The following MZF1 variants were observed in gnomAD, a reference collection of about 807,000 sequenced individuals.
MZF1 encodes the protein myeloid zinc finger 1.
Under a neutral mutation model 28.6 loss-of-function variants are expected in MZF1, and 24 were observed. The ratio of observed to expected loss-of-function variants is 0.84; its 90% CI spans 0.61 to 1.18. MZF1 has a LOEUF of 1.18. Among genes scored for constraint, MZF1 ranks in the 50% most tolerant of loss-of-function variants. The pLI is 0.00. For synonymous variants in MZF1, 516 were observed against 432.5 expected (o/e 1.19, Z -2.40); for missense variants, 1,166 against 1,026.4 (o/e 1.14, Z -1.86).
chr19:58,569,759 A>C (rs2054123089), intron 3 of MZF1, 173 bp from the exon 4 acceptor site: 1 of 588,278 alleles, frequency 1.7e-6, no homozygotes, highest in Non-Finnish European at 3.0e-6. Flanking sequence ...GGTGAAGCAG[A>C]GTACCCTGGA....
rs537448494 is a variant in MZF1 at position 58,562,742 on chromosome 19, G to A, written c.1535C>T (p.Ser512Phe). 11 of 1,536,328 alleles carry A rather than the reference G, an allele frequency of 7.2e-6. No homozygotes were observed. The highest frequency in any genetic ancestry group is 5.9e-5 in the South Asian group (5 of 84,402). ...CTCGCCGCACTCGACGCAGCCAAAG[G>A]ACTTGTCGCCCGTGTGTACCGCCTG... ...EHQAVHTGDK[S>F]FGCVECGERF... Residue 512 changes from serine (S) to phenylalanine (F), a missense_variant, in exon 6 of 6, where the codon TCC becomes TTC. Physicochemically the swap from Ser to Phe is radical, Grantham distance 155 (BLOSUM62 -2). Coordinates refer to ENST00000215057, the MANE Select transcript of MZF1 (RefSeq NM_198055.2).
chr19:58,570,462 G>C lies in MZF1; in HGVS notation c.462C>G (p.Pro154=). The C allele has an allele frequency of 6.2e-7, 1 of 1,613,930 alleles. No homozygotes were observed. Among genetic ancestry groups the C allele is most frequent in the East Asian group, 2.2e-5 (1 of 44,876 alleles). The change falls in exon 3 of 6, where the codon CCC becomes CCG. Residue 154 remains proline, a synonymous_variant. Transcript: ENST00000215057. ...SEKMEPSSFQ[P]LPETEPPTPE... is the part of the protein sequence containing the mutation. Reference sequence around the variant, plus strand: ...GAGTTGGAGGCTCAGTTTCAGGTAGGGGCTGGAAACTGGAGGGCTCCATCT... The same window carrying C: ...GAGTTGGAGGCTCAGTTTCAGGTAGCGGCTGGAAACTGGAGGGCTCCATCT...
At position 58,563,371 on chromosome 19, in the gene MZF1, C is replaced by T. The variant is rs763744966; in HGVS notation, c.906G>A (p.Ala302=). 1 of 1,606,478 alleles carries T rather than the reference C, an allele frequency of 6.2e-7. No individual in the cohort carries two copies. The highest frequency in any genetic ancestry group is 8.5e-7 in the Non-Finnish European group (1 of 1,176,634). ...GATCGCTGGGGAGCAGAAGCGCATG[C>T]GCAAAGCCACCTTCGCGGGAGGGTG... is the stretch of plus-strand genomic sequence containing the variant. ...IQSPSREGGF[A]HALLLPSDLR... Residue 302 remains alanine, a synonymous_variant, in exon 6 of 6, where the codon GCG becomes GCA. Coordinates refer to ENST00000215057, the MANE Select transcript of MZF1 (RefSeq NM_198055.2).
rs1467572051 is a variant in MZF1 at position 58,562,213 on chromosome 19, C to T, written c.2064G>A (p.Lys688=). Residue 688 remains lysine, a synonymous_variant, in exon 6 of 6, where the codon AAG becomes AAA. Transcript: ENST00000215057. The stretch of plus-strand genomic sequence containing the variant: ...TGAGCGTGGGCCGCTGGCGGAAGGC[C>T]TTGCCACACTCAGGGCATGCGTAGG... ...ERPYACPECG[K]AFRQRPTLTQ... 1.9e-6 allele frequency: 3 copies of T among 1,608,446 alleles called. No homozygotes were observed. Among genetic ancestry groups the T allele is most frequent in the East Asian group, 4.5e-5 (2 of 44,796 alleles).
At chr19:58,572,174 C>A (rs1168382214) in intron 1 of MZF1, among the ~76,000 whole-genome samples, 1 of 152,140 alleles carries the variant, frequency 6.6e-6, no homozygotes, top group Non-Finnish European at 1.5e-5. Flanking sequence ...CTTCTATTCT[C>A]TCATCTACTT....
intron 1 of MZF1, chr19:58,571,633 G>T (rs796856036): frequency 1.1e-5 from 6 of 554,444 alleles, no homozygotes; most frequent in African/African-American, 5.6e-5. Context: ...TCTTCTCTCC[G>T]CTTGGGCCTG....
At position 58,562,486 on chromosome 19, in the gene MZF1, A is replaced by G. The variant is rs760647819; in HGVS notation, c.1791T>C (p.Phe597=). 1 of 1,599,048 alleles carries G rather than the reference A, an allele frequency of 6.3e-7. No individual in the cohort carries two copies. The highest frequency in any genetic ancestry group is 1.1e-5 in the South Asian group (1 of 90,150). The change falls in exon 6 of 6, where the codon TTT becomes TTC. Residue 597 remains phenylalanine (F), a synonymous_variant. Coordinates refer to ENST00000215057, the MANE Select transcript of MZF1 (RefSeq NM_198055.2). ...AGCGCTGGCCACACTCGGGGCAGGCAAAGGGTTTCTCGCCCGTGTGTACGC... is the reference window on the plus strand; with the variant it reads ...AGCGCTGGCCACACTCGGGGCAGGCGAAGGGTTTCTCGCCCGTGTGTACGC... ...HLRVHTGEKP[F]ACPECGQRFS...
Position 58,562,409 on chromosome 19 carries a change from T to G in MZF1, c.1868A>C (p.Lys623Thr), listed in dbSNP as rs373694789. ...GCCGCACTCACCGCAGTGGTAGGGC[T>G]TTTCGCCGGTGTGTGTCCTCTGATG... Reference protein sequence around the residue: ...TRHQRTHTGEKPYHCGECGLG... With the variant: ...TRHQRTHTGETPYHCGECGLG... The change falls in exon 6 of 6, where the codon AAG (lysine) becomes ACG (threonine). Residue 623 changes from lysine to threonine, a missense_variant. Transcript: ENST00000215057. 6.2e-7 allele frequency: 1 copy of G among 1,608,432 alleles called. No homozygotes were observed. The highest frequency in any genetic ancestry group is 1.3e-5 in the African/African-American group (1 of 74,300).
intron 5 of MZF1, among the ~76,000 whole-genome samples, chr19:58,564,875 G>A (rs1394889864): frequency 6.8e-6 from 1 of 147,042 alleles, no homozygotes; most frequent in Non-Finnish European, 1.5e-5. Flanking sequence ...ATGTGGAACA[G>A]GGTGGAGAAT....
chr19:58,569,720 G>A (rs545855754), intron 3 of MZF1, 134 bp from the exon 4 acceptor site: 5 of 700,006 alleles, frequency 7.1e-6, no homozygotes, highest in Non-Finnish European at 1.2e-5. Flanking sequence ...GGGCAGTGCA[G>A]GGTAGCTGAG....
chr19:58,572,495 C>T, intron 1 of MZF1: 1 of 1,239,500 alleles, frequency 8.1e-7, no homozygotes, highest in Non-Finnish European at 1.1e-6. Flanking sequence ...TTCCGCCCAT[C>T]TTCAGATCAC....
intron 1 of MZF1, among the ~76,000 whole-genome samples, chr19:58,572,236 G>A (rs2054178459): frequency 6.6e-6 from 1 of 152,092 alleles, no homozygotes; most frequent in Admixed American, 6.6e-5. Flanking sequence ...CTGCTTGGAA[G>A]CCTCACTCCA....
chr19:58,570,148 GGT>G, intron 3 of MZF1, 194 bp downstream of exon 3: 1 of 572,120 alleles, frequency 1.7e-6, no homozygotes, highest in Non-Finnish European at 3.0e-6. Flanking sequence ...AGTCAGGCTT[GGT>G]GTGTGAGGGG....
At position 58,562,007 on chromosome 19, in the gene MZF1, G is replaced by A. The variant is rs1266632513; in HGVS notation, c.*65C>T. The A allele has an allele frequency of 6.8e-7, 1 of 1,476,856 alleles. No individual in the cohort carries two copies. The allele number at this position is 1,476,856 out of a possible 1,614,324, so 91.5% of individuals were successfully genotyped here. ...CCTGCTTATACTTATGTAATCGCCA[G>A]CCTCACAATAACCAGGGGAGGTAGG... On this transcript the variant is annotated 3_prime_UTR_variant, in exon 6 of 6. Transcript: ENST00000215057.
chr19:58,564,523 C>T (rs1251532934), intron 5 of MZF1: 1 of 152,170 alleles, frequency 6.6e-6, no homozygotes, highest in Non-Finnish European at 1.5e-5. Flanking sequence ...TACACTCCAT[C>T]TCCTCCTAGT....
intron 5 of MZF1, 127 bp downstream of exon 5, chr19:58,569,150 C>T (rs940860421): frequency 6.9e-6 from 9 of 1,302,760 alleles, no homozygotes; most frequent in Admixed American, 2.4e-5. Flanking sequence ...AGGGGATGAT[C>T]TAGGGAATGG....
At chr19:58,570,702 C>T in intron 2 of MZF1, 175 bp from the exon 3 acceptor site, 2 of 716,858 alleles carry the variant, frequency 2.8e-6, no homozygotes, top group African/African-American at 1.8e-5. Flanking sequence ...AATGAAGGGA[C>T]CACCTGCAGT....
intron 1 of MZF1, chr19:58,572,733 G>A (rs985514012): frequency 1.2e-6 from 1 of 819,334 alleles, no homozygotes; most frequent in African/African-American, 1.8e-5. Flanking sequence ...GGAGAGACTT[G>A]GGTCATAGCC....
Position 58,570,373 on chromosome 19 carries a change from T to G in MZF1, c.551A>C (p.Lys184Thr). 6.2e-7 allele frequency: 1 copy of G among 1,613,404 alleles called. No individual in the cohort carries two copies. The highest frequency in any genetic ancestry group is 8.5e-7 in the Non-Finnish European group (1 of 1,179,486). ...MQESPLGLQVKEESEVTEDSD... is the reference protein window; with the variant it reads ...MQESPLGLQVTEESEVTEDSD... ...GTCCTCTGTAACCTCTGACTCCTCT[T>G]TCACCTGCAGGCCCAGTGGTGATTC... is the stretch of plus-strand genomic sequence containing the variant. The change falls in exon 3 of 6, where the codon AAA becomes ACA. Residue 184 changes from lysine (K) to threonine (T), a missense_variant. Physicochemically the swap from Lys to Thr is moderately conservative, Grantham distance 78 (BLOSUM62 -1). Coordinates refer to ENST00000215057, the MANE Select transcript of MZF1 (RefSeq NM_198055.2).
Sources: allele counts gnomAD v4.1 joint callset (sites outside exome capture counted in the v4.1 genomes callset), GRCh38; gene constraint gnomAD v4.1.1; transcripts MANE v1.5; gene names NCBI Gene and HGNC (gene_info 2026-07-23, HGNC 2026-07-21).